Variants in WDR7 observed in about 807,000 individuals in gnomAD.
The protein encoded by WDR7 is WD repeat-containing protein 7.
Under a neutral mutation model 169.4 loss-of-function variants are expected in WDR7, and 46 were observed. That is an observed-to-expected ratio of 0.27 (90% CI 0.21 to 0.35). The LOEUF (loss-of-function observed/expected upper bound fraction) is 0.35. Among genes scored for constraint, WDR7 ranks in the 10% least tolerant of loss-of-function variants. The probability of loss-of-function intolerance (pLI) is 1.00; values close to 1 mark genes in which losing one functional copy is unlikely to be tolerated. For synonymous variants in WDR7, 612 were observed against 666.8 expected, an observed-to-expected ratio of 0.92 and a Z score of 1.27; for missense variants, 1,534 against 1,859.3, an observed-to-expected ratio of 0.83 and a Z score of 3.22.
chr18:56,895,138 T>C (rs141349178), intron 21 of WDR7, among the ~76,000 whole-genome samples: 286 of 152,066 alleles, frequency 1.9e-3, no homozygotes, highest in African/African-American at 6.5e-3. Context: ...TTTTAGCAAA[T>C]GTAGCAAAAT....
chr18:56,757,462 G>T (rs2043911340), intron 15 of WDR7, 110 bp downstream of exon 15: 2 of 1,096,984 alleles, frequency 1.8e-6, no homozygotes, highest in Non-Finnish European at 2.5e-6. Flanking sequence ...TATTATTTCA[G>T]TGTCATCTCA....
intron 21 of WDR7, among the ~76,000 whole-genome samples, chr18:56,912,290 C>T (rs139936006): frequency 2.1e-3 from 319 of 152,236 alleles, no homozygotes; most frequent in African/African-American, 7.2e-3. Flanking sequence ...GTGAGAAATC[C>T]GTGTCACATA....
At chr18:56,872,036 A>G (rs940946788) in intron 20 of WDR7, among the ~76,000 whole-genome samples, 12 of 152,104 alleles carry the variant, frequency 7.9e-5, no homozygotes, top group African/African-American at 2.9e-4. Context: ...GGTGGTATCT[A>G]CTTATCTAAG....
chr18:56,998,289 T>G (rs1010552030), intron 26 of WDR7, among the ~76,000 whole-genome samples: 4 of 152,192 alleles, frequency 2.6e-5, no homozygotes, highest in Admixed American at 2.6e-4. Context: ...CCCAGGATTT[T>G]CACTGGGCAT....
In WDR7 at chr18:56,756,756, A is replaced by C. The variant is rs149898085; in HGVS notation, c.2163A>C (p.Gln721His). Residue 721 changes from glutamine to histidine, a missense_variant, in exon 15 of 28, where the codon CAA becomes CAC. Gln to His is a conservative substitution (Grantham distance 24). Coordinates refer to ENST00000254442, the MANE Select transcript of WDR7 (RefSeq NM_015285.3). ...NTALISPENLQKASGSSDKGG... is the reference protein window; with the variant it reads ...NTALISPENLHKASGSSDKGG... ...CTCTTATTTCCCCAGAGAATTTGCA[A>C]AAAGCATCTGGCAGTTCAGACAAAG... 36 of 1,614,032 alleles carry C rather than the reference A, an allele frequency of 2.2e-5. No individual in the cohort carries two copies. Among genetic ancestry groups the C allele is most frequent in the Non-Finnish European group, 3.1e-5 (36 of 1,180,028 alleles).
intron 19 of WDR7, among the ~76,000 whole-genome samples, chr18:56,786,516 C>T (rs932674110): frequency 1.3e-5 from 2 of 149,992 alleles, no homozygotes; most frequent in Non-Finnish European, 3.0e-5. Flanking sequence ...GTGACAGGAG[C>T]GAGACTCTAT....
chr18:56,987,014 C>T (rs1258467054), intron 26 of WDR7, among the ~76,000 whole-genome samples: 1 of 151,978 alleles, frequency 6.6e-6, no homozygotes, highest in African/African-American at 2.4e-5. Flanking sequence ...CAGAGCTGAC[C>T]TTTACTCACA....
chr18:56,891,569 G>A (rs1184202919), intron 21 of WDR7, among the ~76,000 whole-genome samples: 7 of 151,852 alleles, frequency 4.6e-5, no homozygotes, highest in South Asian at 2.1e-4. Context: ...TTTAATCTTC[G>A]TAAGAACCCT....
At chr18:56,679,006 T>C (rs2025302717) in intron 2 of WDR7, among the ~76,000 whole-genome samples, 1 of 152,222 alleles carries the variant, frequency 6.6e-6, no homozygotes, top group African/African-American at 2.4e-5. Flanking sequence ...TCACTAGTAC[T>C]GCACTGAGTC....
chr18:56,870,264 A>G (rs144180221), intron 20 of WDR7, among the ~76,000 whole-genome samples: 6 of 152,266 alleles, frequency 3.9e-5, no homozygotes, highest in Non-Finnish European at 8.8e-5. Context: ...ATCTGATAAA[A>G]TTTGACATTT....
chr18:56,814,965 A>G (rs1395427848), intron 19 of WDR7, among the ~76,000 whole-genome samples: 1 of 152,102 alleles, frequency 6.6e-6, no homozygotes, highest in African/African-American at 2.4e-5. Flanking sequence ...TAGAGCTTGG[A>G]ACTGCCTACT....
chr18:57,019,234 CA>C (rs989799919), intron 26 of WDR7, among the ~76,000 whole-genome samples: 1 of 152,036 alleles, frequency 6.6e-6, no homozygotes, highest in Non-Finnish European at 1.5e-5. Flanking sequence ...GCAGGAGTAA[CA>C]AAAATATTAA....
intron 27 of WDR7, among the ~76,000 whole-genome samples, chr18:57,025,944 TC>T (rs1233884870): frequency 6.6e-6 from 1 of 152,210 alleles, no homozygotes; most frequent in East Asian, 1.9e-4. Flanking sequence ...ATCTCTAGAA[TC>T]TTACATCGAG....
chr18:57,022,276 T>C (rs1276461654), intron 27 of WDR7, among the ~76,000 whole-genome samples: 1 of 152,254 alleles, frequency 6.6e-6, no homozygotes, highest in East Asian at 1.9e-4. Context: ...GCCTCTGTTA[T>C]GTCAGCTGTA....
intron 12 of WDR7, among the ~76,000 whole-genome samples, chr18:56,715,045 T>C (rs1282545789): frequency 2.0e-5 from 3 of 152,220 alleles, no homozygotes; most frequent in Non-Finnish European, 4.4e-5. Flanking sequence ...TTCTTAAATC[T>C]TTGAAATTAT....
chr18:56,675,049 A>G (rs773112952), intron 2 of WDR7, among the ~76,000 whole-genome samples: 1 of 152,168 alleles, frequency 6.6e-6, no homozygotes, highest in Non-Finnish European at 1.5e-5. Flanking sequence ...TCTTATCCAT[A>G]TCCTCTAGAT....
chr18:56,681,380 A>G lies in WDR7; in HGVS notation c.334A>G (p.Thr112Ala), dbSNP rs748877201. The change falls in exon 4 of 28, where the codon ACT becomes GCT. Residue 112 changes from threonine (T) to alanine (A), a missense_variant. By Grantham distance (58) the Thr-to-Ala change is moderately conservative (BLOSUM62 0). Coordinates refer to ENST00000254442, the MANE Select transcript of WDR7 (RefSeq NM_015285.3). Reference sequence around the variant, plus strand: ...ATTTACAAAATTAGCTTGCACACATACTGGCATACAGGTTAGTTTCTATTT... The same window carrying G: ...ATTTACAAAATTAGCTTGCACACATGCTGGCATACAGGTTAGTTTCTATTT... ...IEFTKLACTH[T>A]GIQFYQFSVG... 1.0e-5 allele frequency: 16 copies of G among 1,588,190 alleles called. No individual in the cohort carries two copies. The highest frequency in any genetic ancestry group is 1.1e-5 in the Non-Finnish European group (13 of 1,171,712).
At chr18:56,946,778 T>C (rs2047108842) in intron 25 of WDR7, among the ~76,000 whole-genome samples, 3 of 152,192 alleles carry the variant, frequency 2.0e-5, no homozygotes, top group Admixed American at 2.0e-4. Flanking sequence ...GTAAAAATCA[T>C]TGTGAGAATA....
intron 26 of WDR7, among the ~76,000 whole-genome samples, chr18:56,978,819 C>T (rs191227722): frequency 3.9e-5 from 6 of 152,272 alleles, no homozygotes; most frequent in East Asian, 3.9e-4. Context: ...CAGGTATCTA[C>T]GTTTCTATAG....
Sources: gnomAD v4.1 joint callset for allele counts (sites outside exome capture counted in the v4.1 genomes callset) on GRCh38, gnomAD v4.1.1 for gene constraint, MANE v1.5 for transcripts, NCBI Gene and HGNC (gene_info 2026-07-23, HGNC 2026-07-21) for gene names.